Variants in C16orf89 observed in about 807,000 individuals in gnomAD.
C16orf89 encodes the protein UPF0764 protein C16orf89.
In C16orf89, 57 loss-of-function variants were observed where a neutral mutation model predicts 41.5. That is an observed-to-expected ratio of 1.38 (90% CI 1.11 to 1.71). The LOEUF is 1.71. Among genes scored for constraint, C16orf89 ranks in the 40% most tolerant of loss-of-function variants. The pLI, the probability that C16orf89 is intolerant of heterozygous loss-of-function variation, is 0.00. For synonymous variants in C16orf89, 223 were observed against 190.6 expected (o/e 1.17, Z -1.40); for missense variants, 575 against 445.9 (o/e 1.29, Z -2.61).
chr16:5,048,979 T>A (rs1175136303), intron 6 of C16orf89, among the ~76,000 whole-genome samples: 1 of 152,108 alleles, frequency 6.6e-6, no homozygotes, highest in African/African-American at 2.4e-5. Context: ...AGAATCTCAC[T>A]TCACTGGTAA....
intron 6 of C16orf89, among the ~76,000 whole-genome samples, chr16:5,051,607 G>C (rs8045013): frequency 0.025 from 3,765 of 152,148 alleles, 139 homozygotes; most frequent in African/African-American, 0.086. Context: ...AATTAATATT[G>C]TGAAAAATAT....
At chr16:5,060,947 T>TC (rs1320692807) in intron 2 of C16orf89, among the ~76,000 whole-genome samples, 2 of 133,732 alleles carry the variant, frequency 1.5e-5, no homozygotes, top group African/African-American at 5.6e-5. Context: ...TGATCAGCCT[T>TC]TTTTTTTTTT....
chr16:5,057,513 TTC>T (rs1204827039), intron 4 of C16orf89, among the ~76,000 whole-genome samples: 1 of 150,246 alleles, frequency 6.7e-6, no homozygotes, highest in African/African-American at 2.4e-5. Flanking sequence ...ATATATATTT[TTC>T]TTTTTCTATT....
At chr16:5,059,300 A>G (rs1032231873) in intron 3 of C16orf89, among the ~76,000 whole-genome samples, 3 of 151,294 alleles carry the variant, frequency 2.0e-5, no homozygotes, top group Admixed American at 2.0e-4. Flanking sequence ...TAAAAAATAC[A>G]CACACAAATA....
At chr16:5,065,044 G>C (rs532997822) in intron 1 of C16orf89, among the ~76,000 whole-genome samples, 9 of 152,300 alleles carry the variant, frequency 5.9e-5, no homozygotes, top group Admixed American at 1.3e-4. Flanking sequence ...GGAGCCACCT[G>C]TGTGCTTGTG....
chr16:5,062,328 C>T (rs1173604250), intron 2 of C16orf89, 97 bp downstream of exon 2: 20 of 1,416,400 alleles, frequency 1.4e-5, no homozygotes, highest in Middle Eastern at 2.3e-4. Flanking sequence ...ACTGTCCCAG[C>T]CCAGCCTTGC....
intron 3 of C16orf89, 88 bp from the exon 4 acceptor site, chr16:5,058,698 T>G: frequency 9.3e-7 from 1 of 1,071,226 alleles, no homozygotes; most frequent in South Asian, 1.6e-5. Context: ...TTGTTGGAAC[T>G]CCCAGTAGAT....
chr16:5,044,181 A>C lies in C16orf89; in HGVS notation c.*167T>G. On this transcript the variant is annotated 3_prime_UTR_variant, in exon 8 of 8. Coordinates refer to ENST00000472572, the MANE Select transcript of C16orf89 (RefSeq NM_001098514.3). ...CCTGGGTCCCTCCCGGCCCCCACCT[A>C]CCCTGGCCTTGCCTACTCAGGGCTT... The C allele has an allele frequency of 2.9e-6, 4 of 1,383,484 alleles. No individual in the cohort carries two copies. The South Asian group carries it at 6.9e-5, about 24-fold the overall frequency. The allele number at this position is 1,383,484 out of a possible 1,614,324, so 85.7% of individuals were successfully genotyped here. A position where few individuals can be genotyped will look rare whatever the true frequency, so the allele number is the denominator to read the frequency against.
chr16:5,062,437 T>A lies in C16orf89; in HGVS notation c.346A>T (p.Lys116Ter). The change falls in exon 2 of 8, where the codon AAG becomes TAG. Residue 116 changes from lysine (K) to a stop codon, truncating the protein, a stop_gained. Transcript: ENST00000472572. LOFTEE classifies it high-confidence loss of function. ...TGCGTGTGCTCACCTCTTAGGTACT[T>A]GGGATCACTCAGCTTGAGGTAGTGG... ...SLHYLKLSDP[K>*]YLREFQLTLQ... 1 of 1,613,020 alleles carries A rather than the reference T, an allele frequency of 6.2e-7. No homozygotes were observed. Among genetic ancestry groups the A allele is most frequent in the Non-Finnish European group, 8.5e-7 (1 of 1,179,640 alleles).
intron 4 of C16orf89, among the ~76,000 whole-genome samples, chr16:5,057,330 G>A (rs944140931): frequency 2.1e-5 from 3 of 145,440 alleles, no homozygotes; most frequent in African/African-American, 5.0e-5. Flanking sequence ...ACATAGTGGT[G>A]TATATATATA....
chr16:5,061,957 G>A (rs921548185), intron 2 of C16orf89, among the ~76,000 whole-genome samples: 2 of 152,316 alleles, frequency 1.3e-5, no homozygotes, highest in African/African-American at 2.4e-5. Flanking sequence ...CATAAGGCAT[G>A]AGAAAGATAA....
In C16orf89 at chr16:5,044,294, G is replaced by C. The variant is rs1224149285; in HGVS notation, c.*54C>G. ...CCGTGCCCTCCAGGATCTAAGGGAT[G>C]AGGACTAAAGGGGTCTGTTCCTCCT... On this transcript the variant is annotated 3_prime_UTR_variant, in exon 8 of 8. Coordinates refer to ENST00000472572, the MANE Select transcript of C16orf89 (RefSeq NM_001098514.3). 6.6e-7 allele frequency: 1 copy of C among 1,517,868 alleles called. No homozygotes were observed. Among genetic ancestry groups the C allele is most frequent in the Non-Finnish European group, 8.8e-7 (1 of 1,134,842 alleles). 94.0% of individuals were successfully genotyped at this position (1,517,868 alleles called of 1,614,324 possible).
chr16:5,046,811 G>A (rs1314443008), intron 7 of C16orf89, among the ~76,000 whole-genome samples: 1 of 151,638 alleles, frequency 6.6e-6, no homozygotes, highest in East Asian at 1.9e-4. Flanking sequence ...CTTATATCCT[G>A]TTCTCACTTT....
At chr16:5,044,029 A>G, downstream of C16orf89, 1 of 742,180 alleles carries the variant, frequency 1.3e-6, no homozygotes, top group Non-Finnish European at 1.7e-6. Context: ...AAAAGAAAAA[A>G]GAATTTGTGT....
chr16:5,059,521 C>T (rs1431994496), intron 3 of C16orf89, among the ~76,000 whole-genome samples: 1 of 152,052 alleles, frequency 6.6e-6, no homozygotes, highest in Non-Finnish European at 1.5e-5. Context: ...TTGGCTGGGG[C>T]CCAGCCCCTC....
At chr16:5,058,891 C>G (rs183666887) in intron 3 of C16orf89, among the ~76,000 whole-genome samples, 228 of 152,180 alleles carry the variant, frequency 1.5e-3, no homozygotes, top group Non-Finnish European at 1.2e-3. Context: ...TTTCCAGCCC[C>G]GAACAGTGGG....
At chr16:5,057,112 C>T (rs1041266452) in intron 4 of C16orf89, among the ~76,000 whole-genome samples, 54 of 151,844 alleles carry the variant, frequency 3.6e-4, no homozygotes, top group East Asian at 1.9e-4. Context: ...GTGGGACGTG[C>T]CTGTAATCCC....
chr16:5,044,175 C>G lies in C16orf89; in HGVS notation c.*173G>C. On this transcript the variant is annotated 3_prime_UTR_variant, in exon 8 of 8. Transcript: ENST00000472572. Reference sequence around the variant, plus strand: ...TTCACACCTGGGTCCCTCCCGGCCCCCACCTACCCTGGCCTTGCCTACTCA... The same window carrying G: ...TTCACACCTGGGTCCCTCCCGGCCCGCACCTACCCTGGCCTTGCCTACTCA... 7.3e-7 allele frequency: 1 copy of G among 1,370,856 alleles called. No homozygotes were observed. Among genetic ancestry groups the G allele is most frequent in the African/African-American group, 1.5e-5 (1 of 67,306 alleles). 84.9% of individuals were successfully genotyped at this position (1,370,856 alleles called of 1,614,324 possible).
intron 1 of C16orf89, 72 bp downstream of exon 1, chr16:5,065,629 C>T (rs1956724143): frequency 4.7e-6 from 7 of 1,483,636 alleles, no homozygotes; most frequent in Non-Finnish European, 4.6e-6. Flanking sequence ...CCCAGGCGTA[C>T]AGAGCAGGGC....
Sources: allele counts gnomAD v4.1 joint callset (sites outside exome capture counted in the v4.1 genomes callset), GRCh38; gene constraint gnomAD v4.1.1; transcripts MANE v1.5; gene names NCBI Gene and HGNC (gene_info 2026-07-23, HGNC 2026-07-21).